The following LUZP1 variants were observed in gnomAD, a reference collection of about 807,000 sequenced individuals.
LUZP1 encodes filamin mechanobinding actin cross-linking protein.
LUZP1 carries 25 observed loss-of-function variants against 71.3 expected under a neutral mutation model. The ratio of observed to expected loss-of-function variants is 0.35; its 90% CI spans 0.26 to 0.49. The LOEUF is 0.49. Ranked by LOEUF, LUZP1 falls within the 20% of genes least tolerant of loss-of-function variation. The pLI is 0.99. For synonymous variants in LUZP1, 481 were observed against 506.4 expected (o/e 0.95, Z 0.67); for missense variants, 1,142 against 1,300.8 (o/e 0.88, Z 1.88).
chr1:23,153,885 G>T (rs577634397), intron 2 of LUZP1, among the ~76,000 whole-genome samples: 1 of 152,006 alleles, frequency 6.6e-6, no homozygotes, highest in East Asian at 1.9e-4. Flanking sequence ...TGCAGCCCCC[G>T]CCTGGGCAAC....
At chr1:23,155,482 G>A (rs1457678392) in intron 2 of LUZP1, among the ~76,000 whole-genome samples, 2 of 152,144 alleles carry the variant, frequency 1.3e-5, no homozygotes, top group African/African-American at 4.8e-5. Context: ...TTTTTCCTCT[G>A]CAAAATGAGG....
chr1:23,127,815 A>AC lies in LUZP1; in HGVS notation c.-225-18689dup, dbSNP rs1364034558. 7.2e-5 allele frequency among the ~76,000 whole-genome samples: 11 copies of AC among 151,766 alleles called. No homozygotes were observed. The East Asian group carries it at 2.2e-3, about 30-fold the overall frequency. On this transcript the variant is annotated intron_variant, in intron 2 of 4. Transcript: ENST00000302291. ...TGGAATTACAGGCGTGAGCCACCGC[A>AC]CCAGGCCCAATTTTAGTTTTAAAAA...
At chr1:23,118,046 C>T (rs60117871) in intron 2 of LUZP1, among the ~76,000 whole-genome samples, 1,939 of 151,564 alleles carry the variant, frequency 0.013, 56 homozygotes, top group African/African-American at 0.044. Flanking sequence ...GCTGAGATTG[C>T]GCCACTGCAC....
intron 1 of LUZP1, among the ~76,000 whole-genome samples, chr1:23,171,606 G>A (rs1644553543): frequency 6.6e-6 from 1 of 152,194 alleles, no homozygotes; most frequent in South Asian, 2.1e-4. Flanking sequence ...AGGAACTTTG[G>A]GGTTCTGATT....
chr1:23,169,929 T>G (rs1440111554), intron 1 of LUZP1, among the ~76,000 whole-genome samples: 1 of 151,904 alleles, frequency 6.6e-6, no homozygotes, highest in African/African-American at 2.4e-5. Context: ...GCCTATGGAA[T>G]AAAGGCCAAA....
In LUZP1 at chr1:23,092,875, C is replaced by T. The variant is rs200208053; in HGVS notation, c.1387G>A (p.Glu463Lys). The T allele has an allele frequency of 1.1e-3, 1,731 of 1,613,798 alleles. 4 individuals are homozygous for T. Among genetic ancestry groups the T allele is most frequent in the Non-Finnish European group, 1.4e-3 (1,609 of 1,179,876 alleles). The change falls in exon 4 of 5, where the codon GAA (glutamate) becomes AAA (lysine). Residue 463 changes from glutamate to lysine, a missense_variant. By Grantham distance (56) the Glu-to-Lys change is moderately conservative. Coordinates refer to ENST00000302291, the Ensembl canonical transcript of LUZP1. ...GGCTGCTCCCTAGACTTCTTCCCTT[C>T]GCTCTGGGAGGAGCCGGGTACAAAC... is the stretch of plus-strand genomic sequence containing the variant.
chr1:23,165,359 CTT>C (rs113145677), intron 2 of LUZP1, among the ~76,000 whole-genome samples: 12 of 140,658 alleles, frequency 8.5e-5, no homozygotes, highest in Admixed American at 1.4e-4. Context: ...CTCAATAAAG[CTT>C]TTTTTTTTTT....
exon 5 of LUZP1, chr1:23,086,100 C>T (rs1206549292): frequency 4.6e-5 from 7 of 152,280 alleles, no homozygotes; most frequent in African/African-American, 9.6e-5. Context: ...CTCCCCTCTA[C>T]TTGGAGGCTT....
intron 2 of LUZP1, among the ~76,000 whole-genome samples, chr1:23,113,749 G>A (rs534222828): frequency 5.3e-5 from 8 of 150,910 alleles, no homozygotes; most frequent in South Asian, 4.2e-4. Flanking sequence ...GTGTTGTGGC[G>A]CGCGCCTGTA....
chr1:23,092,338 C>T lies in LUZP1; in HGVS notation c.1924G>A (p.Glu642Lys), dbSNP rs550252407. Residue 642 changes from glutamate to lysine, a missense_variant, in exon 4 of 5, where the codon GAA (glutamate) becomes AAA (lysine). Glu to Lys is a moderately conservative substitution (Grantham distance 56). Transcript: ENST00000302291. ...TTGATGACTCGACACCTCAAGGCTT[C>T]ATGCGGACTGCTGTCTTCCATCACA... is the stretch of plus-strand genomic sequence containing the variant. 2.2e-5 allele frequency: 35 copies of T among 1,614,188 alleles called. No individual in the cohort carries two copies. The East Asian group carries it at 6.7e-4, about 31-fold the overall frequency.
At position 23,094,020 on chromosome 1, in the gene LUZP1, T is replaced by G. The variant is rs1206115555; in HGVS notation, c.242A>C (p.Glu81Ala). The G allele has an allele frequency of 1.2e-6, 2 of 1,614,218 alleles. No individual in the cohort carries two copies. The highest frequency in any genetic ancestry group is 1.7e-6 in the Non-Finnish European group (2 of 1,180,036). ...ACACAGATCCTCTGCTCTCTTAATT[T>G]CCTCGTCTTTGCCTTCAATTCTCAG... Residue 81 changes from glutamate (E) to alanine (A), a missense_variant, in exon 4 of 5, where the codon GAA becomes GCA. Glu to Ala is a moderately radical substitution (Grantham distance 107, BLOSUM62 -1). Coordinates refer to ENST00000302291, the Ensembl canonical transcript of LUZP1. The surrounding 1 kb of genome is among the most constrained non-coding windows in gnomAD (Gnocchi z 4.7).
At chr1:23,169,334 C>A (rs979155152) in intron 1 of LUZP1, among the ~76,000 whole-genome samples, 2 of 151,990 alleles carry the variant, frequency 1.3e-5, no homozygotes, top group Admixed American at 1.3e-4. Flanking sequence ...CAGAGTGAGA[C>A]CCTGTCTCAA....
intron 2 of LUZP1, among the ~76,000 whole-genome samples, chr1:23,144,244 T>C (rs180947961): frequency 6.6e-6 from 1 of 152,242 alleles, no homozygotes; most frequent in African/African-American, 2.4e-5. Flanking sequence ...ATCGAAGAGA[T>C]GGAAAGAGTA....
At chr1:23,167,688 C>T (rs1176216274) in intron 2 of LUZP1, among the ~76,000 whole-genome samples, 1 of 152,250 alleles carries the variant, frequency 6.6e-6, no homozygotes, top group Non-Finnish European at 1.5e-5. Context: ...TTTCTCGGCT[C>T]ACAGAGGCTC....
intron 2 of LUZP1, among the ~76,000 whole-genome samples, chr1:23,121,054 G>A (rs945486349): frequency 4.6e-5 from 7 of 152,056 alleles, no homozygotes; most frequent in African/African-American, 1.7e-4. Flanking sequence ...GACCAGCCCA[G>A]GGAGAAAAAT....
At chr1:23,088,807 G>A (rs966391517) in exon 5 of LUZP1, 2 of 1,513,910 alleles carry the variant, frequency 1.3e-6, no homozygotes, top group Admixed American at 1.9e-5. Context: ...GTCTTGCCTG[G>A]TTAACTGGCC....
At chr1:23,119,735 A>G (rs906692026) in intron 2 of LUZP1, among the ~76,000 whole-genome samples, 2 of 152,238 alleles carry the variant, frequency 1.3e-5, no homozygotes, top group Non-Finnish European at 2.9e-5. Flanking sequence ...CGTGGCACAC[A>G]GTAACAGTTC....
chr1:23,093,039 G>A lies in LUZP1; in HGVS notation c.1223C>T (p.Ala408Val), dbSNP rs1643872133. 1 of 1,614,144 alleles carries A rather than the reference G, an allele frequency of 6.2e-7. No individual in the cohort carries two copies. Among genetic ancestry groups the A allele is most frequent in the Non-Finnish European group, 8.5e-7 (1 of 1,180,018 alleles). The change falls in exon 4 of 5, where the codon GCT becomes GTT. Residue 408 changes from alanine (A) to valine (V), a missense_variant. Transcript: ENST00000302291. The surrounding 1 kb of genome is among the most constrained non-coding windows in gnomAD (Gnocchi z 4.2). ...CAGAGAATAGTTTTCATTGTTGAGA[G>A]CAAACTCCCTGTTCCGGAGTCGTTC...
rs777199014 is a variant in LUZP1, at chr1:23,117,528, G to GC, written c.-225-8402_-225-8401insG. On this transcript the variant is annotated intron_variant, in intron 2 of 4. Transcript: ENST00000302291. The stretch of plus-strand genomic sequence containing the variant: ...GCCCTGGGGGGGGGGGCGGGGGGGG[G>GC]GAACACCTTGAGAAAGTAACTTGCC... Among the ~76,000 whole-genome samples the GC allele has an allele frequency of 1.6e-3, 187 of 118,744 alleles. 13 individuals carry two copies. The highest frequency in any genetic ancestry group is 8.1e-3 in the South Asian group (24 of 2,976). 77.9% of individuals were successfully genotyped at this position (118,744 alleles called of 152,430 possible).
Sources: gnomAD v4.1 joint callset for allele counts (sites outside exome capture counted in the v4.1 genomes callset) on GRCh38, gnomAD v4.1.1 for gene constraint, Gnocchi (gnomAD v3.1) non-coding constraint, MANE v1.5 for transcripts, NCBI Gene and HGNC (gene_info 2026-07-23, HGNC 2026-07-21) for gene names.